The following ZNF326 variants were observed in gnomAD, a reference collection of about 807,000 sequenced individuals.
ZNF326 encodes the protein zinc finger protein 326.
ZNF326 carries 30 observed loss-of-function variants against 63.1 expected under a neutral mutation model. The observed-to-expected ratio is 0.48, with a 90% CI of 0.36 to 0.64. The LOEUF is 0.64. ZNF326 is among the 30% of genes least tolerant of loss of function. The pLI, the probability that ZNF326 is intolerant of heterozygous loss-of-function variation, is 0.00. For synonymous variants in ZNF326, 194 were observed against 228.2 expected (o/e 0.85, Z 1.35); for missense variants, 609 against 720.3 (o/e 0.85, Z 1.77).
rs538670694 is a variant in ZNF326, at chr1:90,034,628, A to G, written c.*6927A>G. The stretch of plus-strand genomic sequence containing the variant: ...TTAGCAAGTGGATAGCAATAAATCA[A>G]TTTTTAAAAATCAGACAAAAGAAAA... On this transcript the variant is annotated 3_prime_UTR_variant, in exon 12 of 12. Transcript: ENST00000340281. 2.0e-5 allele frequency: 3 copies of G among 152,186 alleles called. No homozygotes were observed. The highest frequency in any genetic ancestry group is 4.8e-5 in the African/African-American group (2 of 41,468). The allele number at this position is 152,186 out of a possible 1,614,324, so 9.4% of individuals were successfully genotyped here.
chr1:90,019,840 A>G (rs1217747558), intron 9 of ZNF326, among the ~76,000 whole-genome samples: 1 of 152,056 alleles, frequency 6.6e-6, no homozygotes, highest in Non-Finnish European at 1.5e-5. Flanking sequence ...AGCATATCCT[A>G]CCTTACAAAG....
At chr1:90,011,811 G>A (rs1649260354) in intron 6 of ZNF326, among the ~76,000 whole-genome samples, 1 of 152,012 alleles carries the variant, frequency 6.6e-6, no homozygotes, top group Admixed American at 6.6e-5. Flanking sequence ...AGAATTTAAA[G>A]TAGTATTCCA....
In ZNF326 at chr1:90,034,759, A is replaced by G. The variant is rs1032564872; in HGVS notation, c.*7058A>G. On this transcript the variant is annotated 3_prime_UTR_variant, in exon 12 of 12. Transcript: ENST00000340281. ...ATTATACAAAATGTTGAAACATCTCAATTTGGTCTCTGAGGCTAGCATAAT... is the reference window on the plus strand; with the variant it reads ...ATTATACAAAATGTTGAAACATCTCGATTTGGTCTCTGAGGCTAGCATAAT... 1.3e-5 allele frequency: 2 copies of G among 152,184 alleles called. No individual in the cohort carries two copies. The highest frequency in any genetic ancestry group is 1.3e-4 in the Admixed American group (2 of 15,278). The allele number at this position is 152,184 out of a possible 1,614,324, so 9.4% of individuals were successfully genotyped here. A position where few individuals can be genotyped will look rare whatever the true frequency, so the allele number is the denominator to read the frequency against.
intron 9 of ZNF326, among the ~76,000 whole-genome samples, chr1:90,020,486 A>T (rs1040318570): frequency 2.0e-5 from 3 of 152,068 alleles, no homozygotes; most frequent in Non-Finnish European, 4.4e-5. Flanking sequence ...TTTACTACAA[A>T]ATCAATATTT....
chr1:90,009,531 G>A (rs1649140214), intron 5 of ZNF326, among the ~76,000 whole-genome samples: 1 of 152,066 alleles, frequency 6.6e-6, no homozygotes, highest in African/African-American at 2.4e-5. Context: ...AGTGTGTCTT[G>A]GAAGTTGATG....
intron 11 of ZNF326, among the ~76,000 whole-genome samples, chr1:90,026,795 A>C (rs575416557): frequency 6.6e-6 from 1 of 152,322 alleles, no homozygotes; most frequent in Non-Finnish European, 1.5e-5. Flanking sequence ...ATATGGTCAA[A>C]TTTATATGAG....
Position 90,007,272 on chromosome 1 carries a change from T to C in ZNF326, c.210-73T>C. On this transcript the variant is annotated intron_variant, in intron 4 of 11. Coordinates refer to ENST00000340281, the MANE Select transcript of ZNF326 (RefSeq NM_182976.4). The surrounding 1 kb of genome is among the most constrained non-coding windows in gnomAD (Gnocchi z 4.9). The stretch of plus-strand genomic sequence containing the variant: ...ATTTTAGTTGATAAATGTCATCTGA[T>C]AATTTGTCTTTTGAATTGTCTAACA... 1.4e-6 allele frequency: 2 copies of C among 1,413,320 alleles called. No individual in the cohort carries two copies. Among genetic ancestry groups the C allele is most frequent in the Non-Finnish European group, 1.9e-6 (2 of 1,042,186 alleles). 87.5% of individuals were successfully genotyped at this position (1,413,320 alleles called of 1,614,324 possible).
At chr1:90,012,464 T>C (rs892618093) in intron 6 of ZNF326, among the ~76,000 whole-genome samples, 2 of 152,038 alleles carry the variant, frequency 1.3e-5, no homozygotes, top group Non-Finnish European at 2.9e-5. Flanking sequence ...AAATGGGGAG[T>C]GACTGCTTTA....
At chr1:90,010,987 T>A (rs1040457921) in intron 6 of ZNF326, among the ~76,000 whole-genome samples, 1 of 152,182 alleles carries the variant, frequency 6.6e-6, no homozygotes, top group African/African-American at 2.4e-5. Context: ...TAGACTGTTA[T>A]GTATCAAATT....
rs140505111 is a variant in ZNF326, at chr1:90,027,513, G to A, written c.1561G>A (p.Val521Ile). ...GGGGGAAGTAGAGGAAGTGGAAGAA[G>A]TAGAGGAAGTGAGAGAAGGAGGAAT... Reference protein sequence around the residue: ...EVGEVEEVEEVEEVREGGIEG... With the variant: ...EVGEVEEVEEIEEVREGGIEG... Residue 521 changes from valine to isoleucine, a missense_variant, in exon 12 of 12, where the codon GTA (valine) becomes ATA (isoleucine). Transcript: ENST00000340281. 2 of 1,612,410 alleles carry A rather than the reference G, an allele frequency of 1.2e-6. No homozygotes were observed. The highest frequency in any genetic ancestry group is 1.7e-5 in the Admixed American group (1 of 59,702).
At chr1:90,019,594 T>C (rs1649667426) in intron 9 of ZNF326, among the ~76,000 whole-genome samples, 2 of 152,170 alleles carry the variant, frequency 1.3e-5, no homozygotes, top group African/African-American at 4.8e-5. Context: ...TCTTTTAGAA[T>C]TTGATGTTTC....
At chr1:90,009,058 T>G (rs1433055207) in intron 5 of ZNF326, among the ~76,000 whole-genome samples, 1 of 152,218 alleles carries the variant, frequency 6.6e-6, no homozygotes. Flanking sequence ...TGGAAAACAC[T>G]TAATATTTTC....
Position 90,035,231 on chromosome 1 carries a change from A to G in ZNF326, c.*7530A>G, listed in dbSNP as rs1310857944. On this transcript the variant is annotated 3_prime_UTR_variant, in exon 12 of 12. Transcript: ENST00000340281. ...TAAGAAATAGAAGTATTAGGAAGAG[A>G]AAACATAGTCCTTATTTTGAGCAGT... 4 of 152,240 alleles carry G rather than the reference A, an allele frequency of 2.6e-5. No individual in the cohort carries two copies. Among genetic ancestry groups the G allele is most frequent in the Non-Finnish European group, 5.9e-5 (4 of 68,030 alleles). 9.4% of individuals were successfully genotyped at this position (152,240 alleles called of 1,614,324 possible).
At chr1:90,002,732 A>G (rs182140961) in intron 2 of ZNF326, among the ~76,000 whole-genome samples, 1 of 152,348 alleles carries the variant, frequency 6.6e-6, no homozygotes, top group Admixed American at 6.5e-5. Context: ...GAAGTCTTCA[A>G]ATGAAAAAAG....
rs1285232012 is a variant in ZNF326 at position 90,027,639 on chromosome 1, G to A, written c.1687G>A (p.Glu563Lys). 6.2e-7 allele frequency: 1 copy of A among 1,613,846 alleles called. No homozygotes were observed. The highest frequency in any genetic ancestry group is 8.5e-7 in the Non-Finnish European group (1 of 1,179,972). ...VGEVEEVEEL[E>K]EETAKEEPAD... ...GGAAGTAGAGGAAGTAGAGGAATTA[G>A]AGGAAGAGACAGCAAAGGAAGAACC... The change falls in exon 12 of 12, where the codon GAG becomes AAG. Residue 563 changes from glutamate to lysine, a missense_variant. Glu to Lys is a moderately conservative substitution (Grantham distance 56, BLOSUM62 1). Around this residue, in one of 3 missense-constraint regions of ZNF326, gnomAD observed 399 missense variants for 444.3 expected, o/e 0.90. Coordinates refer to ENST00000340281, the MANE Select transcript of ZNF326 (RefSeq NM_182976.4).
intron 5 of ZNF326, among the ~76,000 whole-genome samples, chr1:90,009,079 AT>A (rs1649120899): frequency 6.6e-6 from 1 of 152,182 alleles, no homozygotes; most frequent in Non-Finnish European, 1.5e-5. Flanking sequence ...CATGCTGTAT[AT>A]TATTTTAGAC....
intron 11 of ZNF326, among the ~76,000 whole-genome samples, chr1:90,025,968 C>G (rs1395579892): frequency 1.5e-5 from 2 of 136,310 alleles, no homozygotes; most frequent in Non-Finnish European, 3.2e-5. Flanking sequence ...TGTTCCTTCA[C>G]TTTTTTTTTT....
intron 5 of ZNF326, 62 bp from the exon 6 acceptor site, chr1:90,010,026 A>T: frequency 6.6e-7 from 1 of 1,506,202 alleles, no homozygotes; most frequent in Middle Eastern, 1.8e-4. Flanking sequence ...TGAAAATTTT[A>T]TATGAATTCA....
rs1650316124 is a variant in ZNF326, at chr1:90,032,388, GTAGCTTATTTAT to G, written c.*4691_*4702del. 1.3e-5 allele frequency: 2 copies of G among 152,196 alleles called. No individual in the cohort carries two copies. The allele number at this position is 152,196 out of a possible 1,614,324, so 9.4% of individuals were successfully genotyped here. On this transcript the variant is annotated 3_prime_UTR_variant, in exon 12 of 12. Transcript: ENST00000340281. Reference sequence around the variant, plus strand: ...CATGGAGTGTGGAAGGGTACTATGGGTAGCTTATTTATTAGATCAGTATAAAGTATAGATTTA... The same window carrying G: ...CATGGAGTGTGGAAGGGTACTATGGGTAGATCAGTATAAAGTATAGATTTA...
Sources: gnomAD v4.1 joint callset for allele counts (sites outside exome capture counted in the v4.1 genomes callset) on GRCh38, gnomAD v4.1.1 for gene constraint, gnomAD v4.1.1 regional missense constraint, Gnocchi (gnomAD v3.1) non-coding constraint, MANE v1.5 for transcripts, NCBI Gene and HGNC (gene_info 2026-07-23, HGNC 2026-07-21) for gene names.